The following BICC1 variants were observed in gnomAD, a reference collection of about 807,000 sequenced individuals.
BICC1 encodes protein bicaudal C homolog 1.
A neutral mutation model predicts 111.0 loss-of-function variants in BICC1; 43 were observed. The ratio of observed to expected loss-of-function variants is 0.39; its 90% CI spans 0.30 to 0.50. The LOEUF (loss-of-function observed/expected upper bound fraction) is 0.50, where lower values mean the gene tolerates loss of function less well. Among genes scored for constraint, BICC1 ranks in the 20% least tolerant of loss-of-function variants. BICC1 has a pLI of 0.88. For missense variants in BICC1, 1,091 were observed against 1,203.2 expected (o/e 0.91, Z 1.38); for synonymous variants, 467 against 434.4 (o/e 1.07, Z -0.93).
chr10:58,634,336 C>G (rs937137769), intron 2 of BICC1, among the ~76,000 whole-genome samples: 1 of 152,138 alleles, frequency 6.6e-6, no homozygotes, highest in Non-Finnish European at 1.5e-5. Context: ...ATTCATGTTC[C>G]TGTTCCCATT....
rs1310172802 is a variant in BICC1 at position 58,826,916 on chromosome 10, A to C, written c.2795-1845A>C. ...GCCTTGGAGGGAAAAGATTAACACC[A>C]GCCGCCAGTCTTTTGGTTGTAGCAC... On this transcript the variant is annotated intron_variant, in intron 20 of 20. Coordinates refer to ENST00000373886, the MANE Select transcript of BICC1 (RefSeq NM_001080512.3). Among the ~76,000 whole-genome samples the C allele has an allele frequency of 1.2e-4, 19 of 152,334 alleles. No individual in the cohort carries two copies. The East Asian group carries it at 3.3e-3, about 26-fold the overall frequency.
intron 3 of BICC1, among the ~76,000 whole-genome samples, chr10:58,771,399 A>T (rs1459416380): frequency 6.6e-6 from 1 of 152,164 alleles, no homozygotes; most frequent in Non-Finnish European, 1.5e-5. Flanking sequence ...GGGGTATAAA[A>T]ACTGGGCACA....
intron 2 of BICC1, among the ~76,000 whole-genome samples, chr10:58,687,647 G>A (rs892307524): frequency 9.2e-5 from 14 of 152,206 alleles, no homozygotes; most frequent in African/African-American, 2.4e-4. Context: ...GTGAGGCTCC[G>A]TGGGCATGGG....
At chr10:58,762,054 C>T (rs1485171539) in intron 3 of BICC1, among the ~76,000 whole-genome samples, 1 of 152,052 alleles carries the variant, frequency 6.6e-6, no homozygotes, top group Non-Finnish European at 1.5e-5. Flanking sequence ...TTGCACCGCC[C>T]TCGCTCTCAG....
chr10:58,545,865 A>T (rs576529769), intron 1 of BICC1, among the ~76,000 whole-genome samples: 155 of 152,252 alleles, frequency 1.0e-3, no homozygotes, highest in Non-Finnish European at 8.5e-4. Flanking sequence ...ACTGGGGCTA[A>T]TTGGAGTTAG....
chr10:58,640,610 T>G (rs1261937972), intron 2 of BICC1, among the ~76,000 whole-genome samples: 1 of 152,214 alleles, frequency 6.6e-6, no homozygotes, highest in Non-Finnish European at 1.5e-5. Flanking sequence ...TAACTGTGCA[T>G]TTACTCACCA....
At chr10:58,614,664 TTGAAGGGCCATTCTG>T (rs1374227024) in intron 1 of BICC1, among the ~76,000 whole-genome samples, 1 of 152,082 alleles carries the variant, frequency 6.6e-6, no homozygotes, top group Non-Finnish European at 1.5e-5. Flanking sequence ...CATCTGGAGG[TTGAAGGGCCATTCTG>T]TGAAGGGTGT....
chr10:58,697,982 G>A (rs1840114866), intron 2 of BICC1, among the ~76,000 whole-genome samples: 1 of 151,932 alleles, frequency 6.6e-6, no homozygotes, highest in African/African-American at 2.4e-5. Context: ...GGCTGAGGCT[G>A]TCACAAATTA....
intron 2 of BICC1, among the ~76,000 whole-genome samples, chr10:58,681,747 G>A (rs546627975): frequency 2.6e-5 from 4 of 152,160 alleles, no homozygotes; most frequent in Non-Finnish European, 5.9e-5. Flanking sequence ...TGTATCCAGA[G>A]TTTGTTCCTT....
intron 1 of BICC1, among the ~76,000 whole-genome samples, chr10:58,590,591 G>C (rs1844580510): frequency 6.6e-6 from 1 of 152,072 alleles, no homozygotes; most frequent in Non-Finnish European, 1.5e-5. Flanking sequence ...AGATGCTTTG[G>C]GAAGTGAGTG....
At chr10:58,639,397 ATTT>A (rs5785335) in intron 2 of BICC1, among the ~76,000 whole-genome samples, 2 of 138,574 alleles carry the variant, frequency 1.4e-5, no homozygotes, top group African/African-American at 2.7e-5. Context: ...TGCCATTTAA[ATTT>A]TTTTTTTTTT....
At chr10:58,660,814 A>C (rs1838819206) in intron 2 of BICC1, among the ~76,000 whole-genome samples, 1 of 152,328 alleles carries the variant, frequency 6.6e-6, no homozygotes, top group East Asian at 1.9e-4. Context: ...AAGTCACCCC[A>C]GGCGACTTCA....
At chr10:58,685,227 C>A (rs1839677783) in intron 2 of BICC1, among the ~76,000 whole-genome samples, 1 of 152,148 alleles carries the variant, frequency 6.6e-6, no homozygotes, top group South Asian at 2.1e-4. Flanking sequence ...GCACTGTGGT[C>A]TGAGAGACAG....
rs185808818 is a variant in BICC1 at position 58,647,075 on chromosome 10, A to G, written c.237+26174A>G. 2.4e-3 allele frequency among the ~76,000 whole-genome samples: 360 copies of G among 152,312 alleles called. 1 individual carries two copies. Among genetic ancestry groups the G allele is most frequent in the Admixed American group, 6.2e-3 (95 of 15,294 alleles). The stretch of plus-strand genomic sequence containing the variant: ...GAAGCATCTTTCTAATCATCTTCCT[A>G]TGGTAGATATACCTGCATATACCAC... On this transcript the variant is annotated intron_variant, in intron 2 of 20. Transcript: ENST00000373886.
chr10:58,745,557 T>A (rs1841805735), intron 3 of BICC1, among the ~76,000 whole-genome samples: 1 of 150,616 alleles, frequency 6.6e-6, no homozygotes. Context: ...TTCTGGAGAC[T>A]GAGAATTTGT....
At chr10:58,788,448 G>T in intron 6 of BICC1, 25 bp downstream of exon 6, 4 of 1,502,468 alleles carry the variant, frequency 2.7e-6, no homozygotes, top group Non-Finnish European at 3.7e-6. Context: ...CTTTAACATT[G>T]TAAATTGATG....
chr10:58,581,452 T>A (rs891427165), intron 1 of BICC1, among the ~76,000 whole-genome samples: 3 of 152,186 alleles, frequency 2.0e-5, no homozygotes, highest in African/African-American at 7.2e-5. Flanking sequence ...CATGCCTCTG[T>A]TTTATGATCC....
At chr10:58,619,883 T>C (rs1845744128) in intron 1 of BICC1, among the ~76,000 whole-genome samples, 1 of 152,190 alleles carries the variant, frequency 6.6e-6, no homozygotes, top group Non-Finnish European at 1.5e-5. Context: ...CACACACATA[T>C]GCACTTCTGC....
At chr10:58,601,591 C>G (rs551529740) in intron 1 of BICC1, among the ~76,000 whole-genome samples, 6 of 151,842 alleles carry the variant, frequency 4.0e-5, no homozygotes, top group Non-Finnish European at 7.4e-5. Flanking sequence ...GACCTAGACT[C>G]TTAGAAATAG....
Sources: gnomAD v4.1 joint callset for allele counts (sites outside exome capture counted in the v4.1 genomes callset) on GRCh38, gnomAD v4.1.1 for gene constraint, MANE v1.5 for transcripts, NCBI Gene and HGNC (gene_info 2026-07-23, HGNC 2026-07-21) for gene names.